Variants in TAFA1 observed in about 807,000 individuals in gnomAD.
The protein encoded by TAFA1 is TAFA chemokine like family member 1, also known as chemokine-like protein TAFA-1.
Under a neutral mutation model 18.5 loss-of-function variants are expected in TAFA1, and 4 were observed. The observed-to-expected ratio is 0.22, with a 90% CI of 0.11 to 0.49. TAFA1 has a LOEUF of 0.49. Ranked by LOEUF, TAFA1 falls within the 20% of genes least tolerant of loss-of-function variation. TAFA1 has a pLI of 0.98. For synonymous variants in TAFA1, 56 were observed against 55.2 expected (o/e 1.01, Z -0.06); for missense variants, 147 against 169.0 (o/e 0.87, Z 0.72).
chr3:68,038,890 C>A (rs1705108299), intron 2 of TAFA1, among the ~76,000 whole-genome samples: 1 of 152,142 alleles, frequency 6.6e-6, no homozygotes, highest in Non-Finnish European at 1.5e-5. Flanking sequence ...TGTTTATTTT[C>A]ATAAAAAGGG....
intron 2 of TAFA1, among the ~76,000 whole-genome samples, chr3:68,189,053 A>G (rs113465094): frequency 1.2e-3 from 177 of 152,006 alleles, no homozygotes; most frequent in African/African-American, 3.9e-3. Context: ...ATTTGCACCA[A>G]ATAAAATCCT....
chr3:68,310,233 TCAC>T lies in TAFA1; in HGVS notation c.119-107043_119-107041del, dbSNP rs566649483. ...TGTACCAATAACCAAACCATAGACT[TCAC>T]CACTTTTTCTAGTAGGAATGGAGAT... On this transcript the variant is annotated intron_variant, in intron 2 of 4. Transcript: ENST00000478136. Among the ~76,000 whole-genome samples the T allele has an allele frequency of 4.0e-3, 603 of 152,306 alleles. 7 individuals are homozygous for T. Among genetic ancestry groups the T allele is most frequent in the African/African-American group, 0.014 (587 of 41,576 alleles).
intron 2 of TAFA1, among the ~76,000 whole-genome samples, chr3:68,057,750 A>G (rs2064553835): frequency 6.6e-6 from 1 of 152,188 alleles, no homozygotes; most frequent in Non-Finnish European, 1.5e-5. Context: ...AGTGAAAGAT[A>G]CAGCCTCCAG....
the TAFA1 span, among the ~76,000 whole-genome samples, chr3:67,997,670 C>G: frequency 6.6e-6 from 1 of 151,836 alleles, no homozygotes; most frequent in Non-Finnish European, 1.5e-5. Flanking sequence ...CAGATATAAA[C>G]CTAGGAAGTC....
intron 2 of TAFA1, among the ~76,000 whole-genome samples, chr3:68,287,944 G>C (rs1232875664): frequency 1.4e-5 from 2 of 145,974 alleles, no homozygotes; most frequent in Non-Finnish European, 3.0e-5. Flanking sequence ...TTTTTTCTGA[G>C]TACCCTAAAA....
chr3:68,252,868 G>T lies in TAFA1; in HGVS notation c.119-164412G>T, dbSNP rs1480563793. On this transcript the variant is annotated intron_variant, in intron 2 of 4. Transcript: ENST00000478136. ...AGTTGCAGGTAATTGAATCATGGGGGTAAGTCTTTCCCGTGCTGTTCTCAT... is the reference window on the plus strand; with the variant it reads ...AGTTGCAGGTAATTGAATCATGGGGTTAAGTCTTTCCCGTGCTGTTCTCAT... Among the ~76,000 whole-genome samples, 4 of 152,130 alleles carry T rather than the reference G, an allele frequency of 2.6e-5. No individual in the cohort carries two copies. The East Asian group carries it at 5.8e-4, about 22-fold the overall frequency.
intron 2 of TAFA1, among the ~76,000 whole-genome samples, chr3:68,130,128 T>C (rs1310449250): frequency 6.6e-6 from 1 of 152,194 alleles, no homozygotes; most frequent in East Asian, 1.9e-4. Context: ...GGGCAGGCAT[T>C]GCCCTGGAAT....
At chr3:68,018,450 A>G (rs1408982362) in intron 2 of TAFA1, among the ~76,000 whole-genome samples, 1 of 152,262 alleles carries the variant, frequency 6.6e-6, no homozygotes, top group Non-Finnish European at 1.5e-5. Flanking sequence ...GATAGTAATT[A>G]TTTTTAACTT....
intron 3 of TAFA1, among the ~76,000 whole-genome samples, chr3:68,440,509 A>G (rs914604143): frequency 6.6e-6 from 1 of 152,206 alleles, no homozygotes; most frequent in Non-Finnish European, 1.5e-5. Context: ...TGACAATTAC[A>G]GCCCTCGTTT....
chr3:68,063,546 A>T (rs1016812442), intron 2 of TAFA1, among the ~76,000 whole-genome samples: 2 of 152,208 alleles, frequency 1.3e-5, no homozygotes, highest in African/African-American at 4.8e-5. Flanking sequence ...AACATTGATT[A>T]AAAATATCTT....
intron 2 of TAFA1, among the ~76,000 whole-genome samples, chr3:68,254,371 G>A (rs191379728): frequency 6.6e-6 from 1 of 152,198 alleles, no homozygotes; most frequent in East Asian, 1.9e-4. Flanking sequence ...GTTAGTGGAA[G>A]TATAGTAATT....
chr3:68,164,630 C>CGTGTGTGTGT (rs1306831109), intron 2 of TAFA1, among the ~76,000 whole-genome samples: 10,630 of 146,588 alleles, frequency 0.073, 484 homozygotes, highest in Middle Eastern at 0.12. Flanking sequence ...CCTTTTGCAA[C>CGTGTGTGTGT]GTGTGTGTGT....
intron 2 of TAFA1, among the ~76,000 whole-genome samples, chr3:68,272,476 T>C (rs1225987354): frequency 6.6e-6 from 1 of 152,182 alleles, no homozygotes; most frequent in Non-Finnish European, 1.5e-5. Flanking sequence ...GAATTGGTGA[T>C]GGATGAATAT....
Position 68,085,181 on chromosome 3 carries a change from T to A in TAFA1, c.118+78437T>A, listed in dbSNP as rs1362108727. Among the ~76,000 whole-genome samples, 3 of 152,206 alleles carry A rather than the reference T, an allele frequency of 2.0e-5. No individual in the cohort carries two copies. The East Asian group carries it at 5.8e-4, about 29-fold the overall frequency. On this transcript the variant is annotated intron_variant, in intron 2 of 4. Transcript: ENST00000478136. ...AATTCCTGAGAGTAAGGCATTGCTA[T>A]CTTTATTTTATAGATAGTGGATAAT...
chr3:68,280,918 C>T (rs2067887234), intron 2 of TAFA1, among the ~76,000 whole-genome samples: 1 of 152,046 alleles, frequency 6.6e-6, no homozygotes, highest in Non-Finnish European at 1.5e-5. Flanking sequence ...GACACCTAAT[C>T]TCGCTACTTT....
chr3:68,132,101 C>T (rs1334273456), intron 2 of TAFA1, among the ~76,000 whole-genome samples: 1 of 152,062 alleles, frequency 6.6e-6, no homozygotes, highest in African/African-American at 2.4e-5. Flanking sequence ...TCATTGTTCA[C>T]CTTCCACTTA....
chr3:68,073,658 T>C (rs1234026528), intron 2 of TAFA1, among the ~76,000 whole-genome samples: 1 of 152,064 alleles, frequency 6.6e-6, no homozygotes, highest in Non-Finnish European at 1.5e-5. Context: ...ATTGCATCTC[T>C]ATACACAATA....
intron 2 of TAFA1, among the ~76,000 whole-genome samples, chr3:68,343,869 G>A (rs529297565): frequency 6.6e-6 from 1 of 152,212 alleles, no homozygotes; most frequent in Non-Finnish European, 1.5e-5. Flanking sequence ...TTGAGATGGA[G>A]TTTTGCTCCT....
chr3:68,473,083 G>A (rs1008343579), intron 3 of TAFA1, among the ~76,000 whole-genome samples: 6 of 152,188 alleles, frequency 3.9e-5, no homozygotes, highest in Non-Finnish European at 8.8e-5. Context: ...CAAAGTGATT[G>A]ATTTTCAGAG....
Sources: gnomAD v4.1 joint callset for allele counts (sites outside exome capture counted in the v4.1 genomes callset) on GRCh38, gnomAD v4.1.1 for gene constraint, MANE v1.5 for transcripts, NCBI Gene and HGNC (gene_info 2026-07-23, HGNC 2026-07-21) for gene names.